Variants in RIMBP2 observed in about 807,000 individuals in gnomAD.
RIMBP2 encodes RIMS binding protein 2.
In RIMBP2, 48 loss-of-function variants were observed where a neutral mutation model predicts 118.6. That is an observed-to-expected ratio of 0.40 (90% CI 0.32 to 0.51). RIMBP2 has a LOEUF of 0.51. Among genes scored for constraint, RIMBP2 ranks in the 20% least tolerant of loss-of-function variants. RIMBP2 has a pLI of 0.41. For missense variants in RIMBP2, 1,551 were observed against 1,768.3 expected (o/e 0.88, Z 2.20); for synonymous variants, 762 against 742.9 (o/e 1.03, Z -0.42).
intron 2 of RIMBP2, among the ~76,000 whole-genome samples, chr12:130,529,251 A>G (rs952613735): frequency 6.6e-6 from 1 of 152,218 alleles, no homozygotes; most frequent in African/African-American, 2.4e-5. Context: ...ATGAACCTCA[A>G]AAAATGACAT....
intron 4 of RIMBP2, among the ~76,000 whole-genome samples, chr12:130,496,641 C>T (rs898044158): frequency 6.7e-6 from 1 of 150,070 alleles, no homozygotes; most frequent in Admixed American, 6.8e-5. Context: ...CTATGTCGGG[C>T]CCCCAGCAGC....
chr12:130,515,056 T>C (rs2051304884), intron 3 of RIMBP2, among the ~76,000 whole-genome samples: 1 of 152,118 alleles, frequency 6.6e-6, no homozygotes, highest in Non-Finnish European at 1.5e-5. Flanking sequence ...TTTTGTATTT[T>C]TAGTAGAGAC....
intron 1 of RIMBP2, among the ~76,000 whole-genome samples, chr12:130,700,580 T>C (rs1469042603): frequency 6.6e-6 from 1 of 151,480 alleles, no homozygotes; most frequent in African/African-American, 2.4e-5. Context: ...GAGGCAGAGG[T>C]GGGGGCAGGG....
chr12:130,574,376 C>T (rs1162739926), intron 2 of RIMBP2, among the ~76,000 whole-genome samples: 1 of 152,106 alleles, frequency 6.6e-6, no homozygotes, highest in Non-Finnish European at 1.5e-5. Flanking sequence ...CCTCAAGGAG[C>T]TCCTATTCTC....
chr12:130,659,734 A>T (rs4759741), intron 1 of RIMBP2, among the ~76,000 whole-genome samples: 2 of 151,382 alleles, frequency 1.3e-5, no homozygotes, highest in Admixed American at 6.6e-5. Context: ...GCATTTTGGG[A>T]GGCCAAGGTG....
chr12:130,651,780 A>T (rs1292835393), intron 1 of RIMBP2, among the ~76,000 whole-genome samples: 1 of 152,210 alleles, frequency 6.6e-6, no homozygotes, highest in East Asian at 1.9e-4. Flanking sequence ...TTGGAATTTA[A>T]TTATCTGCAG....
intron 14 of RIMBP2, among the ~76,000 whole-genome samples, chr12:130,433,141 C>G (rs1212509728): frequency 6.6e-6 from 1 of 152,176 alleles, no homozygotes; most frequent in Non-Finnish European, 1.5e-5. Flanking sequence ...GGGCAGAGGA[C>G]CGGCCTTACA....
intron 1 of RIMBP2, among the ~76,000 whole-genome samples, chr12:130,641,189 CA>C (rs2062602912): frequency 6.6e-6 from 1 of 152,154 alleles, no homozygotes; most frequent in Non-Finnish European, 1.5e-5. Flanking sequence ...CAGATGGTCC[CA>C]AGTCCTCTTC....
Position 130,434,212 on chromosome 12 carries a change from G to T in RIMBP2, c.2253+522C>A, listed in dbSNP as rs77045620. Among the ~76,000 whole-genome samples, 1,250 of 152,232 alleles carry T rather than the reference G, an allele frequency of 8.2e-3. 9 individuals carry two copies. The highest frequency in any genetic ancestry group is 0.014 in the South Asian group (65 of 4,814). On this transcript the variant is annotated intron_variant, in intron 14 of 22. Coordinates refer to ENST00000690449, the MANE Select transcript of RIMBP2 (RefSeq NM_001393629.1). The surrounding 1 kb of genome is among the most constrained non-coding windows in gnomAD (Gnocchi z 5.7). ...AGTTTTGTTCTTTACAGCATCTGAGGGCATTTCCATTAGAATATGCACGAT... is the reference window on the plus strand; with the variant it reads ...AGTTTTGTTCTTTACAGCATCTGAGTGCATTTCCATTAGAATATGCACGAT...
intron 2 of RIMBP2, among the ~76,000 whole-genome samples, chr12:130,563,323 C>T (rs4759727): frequency 6.6e-6 from 1 of 152,152 alleles, no homozygotes. Flanking sequence ...GTGGCATCTC[C>T]AGCTGGAAGT....
intron 19 of RIMBP2, among the ~76,000 whole-genome samples, chr12:130,409,622 C>T (rs923520598): frequency 6.6e-6 from 1 of 152,110 alleles, no homozygotes. Context: ...GGATTACAGG[C>T]GTGAGCCACT....
In RIMBP2 at chr12:130,419,254, G is replaced by C. The variant is rs142080484; in HGVS notation, c.3238+3199C>G. Among the ~76,000 whole-genome samples, 3 of 152,238 alleles carry C rather than the reference G, an allele frequency of 2.0e-5. No homozygotes were observed. Among genetic ancestry groups the C allele is most frequent in the Non-Finnish European group, 4.4e-5 (3 of 68,026 alleles). ...ACCTACAGCTGTCTGTCTGACCCTG[G>C]GGGGAGTGGGCACTGCCTCCCATCC... is the stretch of plus-strand genomic sequence containing the variant. On this transcript the variant is annotated intron_variant, in intron 17 of 22. Transcript: ENST00000690449. This position sits in a 1 kb window ranked among gnomAD's most constrained non-coding sequence, Gnocchi z 4.3.
chr12:130,618,128 C>T (rs1274671642), intron 2 of RIMBP2, among the ~76,000 whole-genome samples: 2 of 151,968 alleles, frequency 1.3e-5, no homozygotes, highest in Non-Finnish European at 2.9e-5. Context: ...TGATGTTCTC[C>T]ACTCCCCTAG....
At chr12:130,704,312 A>T (rs2065993513) in intron 1 of RIMBP2, among the ~76,000 whole-genome samples, 1 of 152,208 alleles carries the variant, frequency 6.6e-6, no homozygotes, top group Non-Finnish European at 1.5e-5. Flanking sequence ...GTGGTGGTTC[A>T]TGCCTGTAAT....
intron 2 of RIMBP2, among the ~76,000 whole-genome samples, chr12:130,582,440 C>T (rs1038537617): frequency 6.6e-6 from 1 of 152,188 alleles, no homozygotes; most frequent in Non-Finnish European, 1.5e-5. Flanking sequence ...TGTGTGATTC[C>T]AGCCCATGCT....
intron 1 of RIMBP2, among the ~76,000 whole-genome samples, chr12:130,678,727 A>C (rs1452968362): frequency 1.3e-5 from 2 of 152,200 alleles, no homozygotes; most frequent in African/African-American, 4.8e-5. Flanking sequence ...CATCTTGGCC[A>C]GGCTGGTCTC....
At chr12:130,689,567 C>A (rs1416865114) in intron 1 of RIMBP2, among the ~76,000 whole-genome samples, 1 of 152,174 alleles carries the variant, frequency 6.6e-6, no homozygotes, top group Non-Finnish European at 1.5e-5. Context: ...CCCAGGCTGT[C>A]TCCCGTGCAG....
At position 130,442,107 on chromosome 12, in the gene RIMBP2, C is replaced by T; in HGVS notation, c.1245G>A (p.Arg415=). The T allele has an allele frequency of 1.2e-6, 2 of 1,614,150 alleles. No individual in the cohort carries two copies. The highest frequency in any genetic ancestry group is 1.1e-5 in the South Asian group (1 of 91,080). Residue 415 remains arginine, a synonymous_variant, in exon 11 of 23, where the codon CGG becomes CGA. Coordinates refer to ENST00000690449, the MANE Select transcript of RIMBP2 (RefSeq NM_001393629.1). This position sits in a 1 kb window ranked among gnomAD's most constrained non-coding sequence, Gnocchi z 6.9. ...CGGAGATCTGCGTGATGTTGTCCACCCGCAGGTGGGAGGGGGCCACCACCA... is the reference window on the plus strand; with the variant it reads ...CGGAGATCTGCGTGATGTTGTCCACTCGCAGGTGGGAGGGGGCCACCACCA... ...KDVVVAPSHL[R]VDNITQISAQ... is the part of the protein sequence containing the mutation.
intron 2 of RIMBP2, among the ~76,000 whole-genome samples, chr12:130,582,970 G>A (rs539509810): frequency 4.6e-5 from 7 of 152,170 alleles, no homozygotes; most frequent in African/African-American, 1.7e-4. Flanking sequence ...ATTTGTTAAC[G>A]TCCTCTTCTA....
Sources: allele counts gnomAD v4.1 joint callset (sites outside exome capture counted in the v4.1 genomes callset), GRCh38; gene constraint gnomAD v4.1.1; non-coding constraint Gnocchi (gnomAD v3.1); transcripts MANE v1.5; gene names NCBI Gene and HGNC (gene_info 2026-07-23, HGNC 2026-07-21).